The following ANKRD11 variants were observed in gnomAD, a reference collection of about 807,000 sequenced individuals.
ANKRD11 encodes ankyrin repeat domain-containing protein 11.
In ANKRD11, 17 loss-of-function variants were observed where a neutral mutation model predicts 195.7. The ratio of observed to expected loss-of-function variants is 0.09; its 90% CI spans 0.06 to 0.13. The LOEUF is 0.13. Among genes scored for constraint, ANKRD11 ranks in the 10% least tolerant of loss-of-function variants. The pLI, the probability that ANKRD11 is intolerant of heterozygous loss-of-function variation, is 1.00. For missense variants in ANKRD11, 3,735 were observed against 3,566.1 expected, an observed-to-expected ratio of 1.05 and a Z score of -1.21; for synonymous variants, 1,953 against 1,528.1, an observed-to-expected ratio of 1.28 and a Z score of -6.49.
chr16:89,280,302 G>C lies in ANKRD11; in HGVS notation c.6240C>G (p.Ala2080=). ...CAGCGGCTACACAGGCGGGCTCGGGGGCCACGTCCAGCGGGGCTTCCGGAA... is the reference window on the plus strand; with the variant it reads ...CAGCGGCTACACAGGCGGGCTCGGGCGCCACGTCCAGCGGGGCTTCCGGAA... ...KSLPEAPLDV[A]PEPACVAAVA... The change falls in exon 9 of 13, where the codon GCC becomes GCG. Residue 2080 remains alanine (A), a synonymous_variant. Transcript: ENST00000301030. The C allele has an allele frequency of 6.3e-7, 1 of 1,595,808 alleles. No homozygotes were observed. The highest frequency in any genetic ancestry group is 1.3e-5 in the African/African-American group (1 of 74,386).
intron 1 of ANKRD11, among the ~76,000 whole-genome samples, chr16:89,464,699 T>C (rs542654211): frequency 6.7e-6 from 1 of 149,678 alleles, no homozygotes; most frequent in African/African-American, 2.5e-5. Context: ...GACATGTCAA[T>C]AGTTGACCAG....
chr16:89,351,524 T>A (rs1240249549), intron 2 of ANKRD11, among the ~76,000 whole-genome samples: 1 of 152,216 alleles, frequency 6.6e-6, no homozygotes, highest in African/African-American at 2.4e-5. Context: ...AGCGAACTTT[T>A]TCAAGAAAAC....
intron 1 of ANKRD11, among the ~76,000 whole-genome samples, chr16:89,462,725 C>T (rs2056729360): frequency 1.3e-5 from 2 of 151,970 alleles, no homozygotes; most frequent in South Asian, 4.1e-4. Context: ...CCCGCCGCCC[C>T]GTCTGGGATG....
chr16:89,281,991 C>T lies in ANKRD11; in HGVS notation c.4551G>A (p.Lys1517=). Residue 1517 remains lysine (K), a synonymous_variant, in exon 9 of 13, where the codon AAG becomes AAA. Transcript: ENST00000301030. This position sits in a 1 kb window ranked among gnomAD's most constrained non-coding sequence, Gnocchi z 5.5. ...CGAGCCTCGGGCCCTCGTCCCTGGA[C>T]TTGTCTTTGAGCACGCGGGGCGGGC... is the stretch of plus-strand genomic sequence containing the variant. ...KDSPPRVLKD[K]SRDEGPRLGD... is the part of the protein sequence containing the mutation. 2 of 1,613,218 alleles carry T rather than the reference C, an allele frequency of 1.2e-6. No individual in the cohort carries two copies. The highest frequency in any genetic ancestry group is 2.2e-5 in the East Asian group (1 of 44,878).
chr16:89,467,562 T>C (rs1360479025), intron 1 of ANKRD11, among the ~76,000 whole-genome samples: 1 of 151,764 alleles, frequency 6.6e-6, no homozygotes, highest in Non-Finnish European at 1.5e-5. Flanking sequence ...GACGGGGTCT[T>C]GCTATGCTGC....
chr16:89,328,749 C>A (rs1414825376), intron 2 of ANKRD11, among the ~76,000 whole-genome samples: 3 of 115,030 alleles, frequency 2.6e-5, no homozygotes, highest in East Asian at 5.6e-4. Context: ...GGAGCACGGG[C>A]GAAATCAGCG....
intron 2 of ANKRD11, among the ~76,000 whole-genome samples, chr16:89,364,723 C>T (rs1056633145): frequency 6.6e-6 from 1 of 152,190 alleles, no homozygotes; most frequent in Non-Finnish European, 1.5e-5. Context: ...TGCCATGGGC[C>T]GCGGGCTGGA....
intron 1 of ANKRD11, among the ~76,000 whole-genome samples, chr16:89,452,536 G>C (rs1244673664): frequency 1.3e-5 from 2 of 151,936 alleles, no homozygotes; most frequent in Non-Finnish European, 2.9e-5. Context: ...CAGCACTCTG[G>C]GAGGCTGAGG....
At chr16:89,320,576 C>T (rs548223325) in intron 2 of ANKRD11, among the ~76,000 whole-genome samples, 1 of 152,310 alleles carries the variant, frequency 6.6e-6, no homozygotes, top group African/African-American at 2.4e-5. Context: ...GGATGGCAAC[C>T]GTCCCAGCTT....
At chr16:89,329,353 A>AT (rs771313236) in intron 2 of ANKRD11, among the ~76,000 whole-genome samples, 19 of 152,212 alleles carry the variant, frequency 1.2e-4, no homozygotes, top group South Asian at 6.2e-4. Flanking sequence ...GGATGCTGCT[A>AT]TTTTTGCAAC....
At chr16:89,421,520 G>A (rs112712898) in intron 1 of ANKRD11, among the ~76,000 whole-genome samples, 5 of 107,714 alleles carry the variant, frequency 4.6e-5, no homozygotes, top group South Asian at 3.6e-4. Context: ...TCGGTGTGTG[G>A]TGACGGAGTC....
intron 2 of ANKRD11, among the ~76,000 whole-genome samples, chr16:89,337,282 AGGAGAGGACTTCAGGTGGCTC>A (rs577315368): frequency 6.6e-4 from 100 of 152,222 alleles, no homozygotes; most frequent in African/African-American, 2.3e-3. Flanking sequence ...AACGTCAGAA[AGGAGAGGACTTCAGGTGGCTC>A]GGAATCCTCC....
chr16:89,460,773 G>C (rs1014152526), intron 1 of ANKRD11, among the ~76,000 whole-genome samples: 2 of 152,084 alleles, frequency 1.3e-5, no homozygotes, highest in Non-Finnish European at 2.9e-5. Flanking sequence ...TGACCTGCAG[G>C]GGGTAGTCAC....
Position 89,284,363 on chromosome 16 carries a change from CTTTG to C in ANKRD11, c.2175_2178del (p.Asn725LysfsTer23), listed in dbSNP as rs886039734. The C allele has an allele frequency of 6.2e-7, 1 of 1,613,802 alleles. No individual in the cohort carries two copies. The highest frequency in any genetic ancestry group is 1.7e-5 in the Admixed American group (1 of 60,006). ...TCTTCTCGGAAAGACCTGCTGATGT[CTTTG>C]TTTGTGTCTTTGATTCTCTTCAGTG... On this transcript the variant is annotated frameshift_variant, in exon 9 of 13. Transcript: ENST00000301030. LOFTEE classifies it high-confidence loss of function.
chr16:89,340,261 T>A (rs1308024403), intron 2 of ANKRD11, among the ~76,000 whole-genome samples: 4 of 152,230 alleles, frequency 2.6e-5, no homozygotes, highest in African/African-American at 9.6e-5. Flanking sequence ...TTAGGGCAGA[T>A]GTCTTCTGTT....
chr16:89,278,099 T>C, intron 9 of ANKRD11: 1 of 225,428 alleles, frequency 4.4e-6, no homozygotes, highest in Non-Finnish European at 8.9e-6. Context: ...CACAGTCCGC[T>C]AGGCACAGTG....
chr16:89,405,911 A>T (rs2041886752), intron 2 of ANKRD11, among the ~76,000 whole-genome samples: 1 of 152,080 alleles, frequency 6.6e-6, no homozygotes, highest in East Asian at 1.9e-4. Context: ...GGAGTTCGAG[A>T]GCAGTCTGGC....
At chr16:89,370,098 GGAA>G (rs1411518582) in intron 2 of ANKRD11, among the ~76,000 whole-genome samples, 1 of 152,204 alleles carries the variant, frequency 6.6e-6, no homozygotes, top group Admixed American at 6.5e-5. Flanking sequence ...AGGCATGGCA[GGAA>G]GAAGACACAC....
rs767045939 is a variant in ANKRD11, at chr16:89,280,331, A to G, written c.6211T>C (p.Ser2071Pro). The G allele has an allele frequency of 6.3e-7, 1 of 1,581,064 alleles. No homozygotes were observed. Among genetic ancestry groups the G allele is most frequent in the Admixed American group, 1.8e-5 (1 of 56,204 alleles). Reference sequence around the variant, plus strand: ...ACGTCCAGCGGGGCTTCCGGAAGTGACTTGCAGTTGCTGAAGAAGGACTCC... The same window carrying G: ...ACGTCCAGCGGGGCTTCCGGAAGTGGCTTGCAGTTGCTGAAGAAGGACTCC... ...GLESFFSNCK[S>P]LPEAPLDVAP... The change falls in exon 9 of 13, where the codon TCA (serine) becomes CCA (proline). Residue 2071 changes from serine to proline, a missense_variant. By Grantham distance (74) the Ser-to-Pro change is moderately conservative (BLOSUM62 -1). Transcript: ENST00000301030.
Sources: allele counts gnomAD v4.1 joint callset (sites outside exome capture counted in the v4.1 genomes callset), GRCh38; gene constraint gnomAD v4.1.1; non-coding constraint Gnocchi (gnomAD v3.1); transcripts MANE v1.5; gene names NCBI Gene and HGNC (gene_info 2026-07-23, HGNC 2026-07-21).